The following GALNS variants were observed in gnomAD, a reference collection of about 807,000 sequenced individuals.
The protein encoded by GALNS is N-acetylgalactosamine-6-sulfatase.
Under a neutral mutation model 65.9 loss-of-function variants are expected in GALNS, and 65 were observed. The observed-to-expected ratio is 0.99, with a 90% CI of 0.81 to 1.21. GALNS has a LOEUF of 1.21. Among genes scored for constraint, GALNS ranks in the 50% most tolerant of loss-of-function variants. The probability of loss-of-function intolerance (pLI) is 0.00; values close to 1 mark genes in which losing one functional copy is unlikely to be tolerated. For synonymous variants in GALNS, 346 were observed against 288.9 expected (o/e 1.20, Z -2.00); for missense variants, 776 against 700.7 (o/e 1.11, Z -1.21).
intron 13 of GALNS, chr16:88,817,345 G>A (rs1267134156): frequency 1.8e-5 from 18 of 985,456 alleles, no homozygotes; most frequent in Non-Finnish European, 2.2e-5. Context: ...GCGTGATGAG[G>A]CCGTTTCTCT....
chr16:88,823,677 C>T (rs1249463256), intron 11 of GALNS, among the ~76,000 whole-genome samples: 6 of 97,810 alleles, frequency 6.1e-5, no homozygotes, highest in Admixed American at 2.0e-4. Flanking sequence ...ATGCCCAGGA[C>T]GGCCCTCGCA....
chr16:88,836,657 A>G (rs1912172941), intron 5 of GALNS, among the ~76,000 whole-genome samples: 2 of 140,642 alleles, frequency 1.4e-5, no homozygotes, highest in Admixed American at 7.0e-5. Flanking sequence ...CTGTCTCAAG[A>G]AAAAAAAAAA....
Position 88,842,726 on chromosome 16 carries a change from G to A in GALNS, c.224C>T (p.Ala75Val). 1 of 1,612,914 alleles carries A rather than the reference G, an allele frequency of 6.2e-7. No individual in the cohort carries two copies. Among genetic ancestry groups the A allele is most frequent in the Non-Finnish European group, 8.5e-7 (1 of 1,179,758 alleles). The change falls in exon 2 of 14, where the codon GCC (alanine) becomes GTC (valine). Residue 75 changes from alanine (A) to valine (V), a missense_variant. By Grantham distance (64) the Ala-to-Val change is moderately conservative. Transcript: ENST00000268695. The stretch of plus-strand genomic sequence containing the variant: ...CTTACATGGCGAGCACAGAGGGTTG[G>A]CAGAATAGAAGTTTGGGAAAAGCAG... ...EGLLFPNFYS[A>V]NPLCSPSRAA...
intron 10 of GALNS, among the ~76,000 whole-genome samples, chr16:88,825,918 G>C (rs909291335): frequency 9.2e-5 from 14 of 152,198 alleles, no homozygotes; most frequent in African/African-American, 2.7e-4. Flanking sequence ...TTCCCGTTGA[G>C]CCTTTGGAAT....
chr16:88,856,404 A>G (rs1334343356), intron 1 of GALNS: 1 of 701,168 alleles, frequency 1.4e-6, no homozygotes, highest in Admixed American at 2.0e-5. Flanking sequence ...GAGGGCGGGA[A>G]AGGTCAGACG....
chr16:88,841,300 ACCAGAGGG>A (rs1966960627), intron 3 of GALNS, among the ~76,000 whole-genome samples: 1 of 152,020 alleles, frequency 6.6e-6, no homozygotes, highest in Non-Finnish European at 1.5e-5. Context: ...CAGTGCCATC[ACCAGAGGG>A]TGGGGACGGG....
rs1031038108 is a variant in GALNS at position 88,833,837 on chromosome 16, G to A, written c.898+1376C>T. 3.9e-5 allele frequency among the ~76,000 whole-genome samples: 6 copies of A among 152,322 alleles called. No homozygotes were observed. In the South Asian group the frequency reaches 1.2e-3, roughly 32 times the overall value. On this transcript the variant is annotated intron_variant, in intron 8 of 13. Transcript: ENST00000268695. ...GTGGGTTCTCATCTTGTTACAAATA[G>A]GTACATATACCATTTGTTGGTATGA... is the stretch of plus-strand genomic sequence containing the variant.
chr16:88,828,452 G>C (rs939787645), intron 9 of GALNS, among the ~76,000 whole-genome samples: 2 of 152,226 alleles, frequency 1.3e-5, no homozygotes, highest in African/African-American at 4.8e-5. Context: ...CAGAATCCAG[G>C]GCTGCAGGGA....
Position 88,814,258 on chromosome 16 carries a change from G to A in GALNS, c.*181C>T. Reference sequence around the variant, plus strand: ...TGAGGCGCCGTGGGCGAGGAGGAGGGCCAAGCACACGCCAGGGTCAGGTCC... The same window carrying A: ...TGAGGCGCCGTGGGCGAGGAGGAGGACCAAGCACACGCCAGGGTCAGGTCC... On this transcript the variant is annotated 3_prime_UTR_variant, in exon 14 of 14. Coordinates refer to ENST00000268695, the MANE Select transcript of GALNS (RefSeq NM_000512.5). 4 of 828,202 alleles carry A rather than the reference G, an allele frequency of 4.8e-6. No individual in the cohort carries two copies. Among genetic ancestry groups the A allele is most frequent in the East Asian group, 2.7e-5 (1 of 37,322 alleles). 51.3% of individuals were successfully genotyped at this position (828,202 alleles called of 1,614,324 possible).
Position 88,856,773 on chromosome 16 carries a change from G to A in GALNS, c.105C>T (p.Leu35=). Residue 35 remains leucine (L), a synonymous_variant, in exon 1 of 14, where the codon CTC becomes CTT. Coordinates refer to ENST00000268695, the MANE Select transcript of GALNS (RefSeq NM_000512.5). Reference sequence around the variant, plus strand: ...CCGCACTCACGTCGTCCATGAGCAGGAGCAGGATGTTGGGGGGCTGCGGGG... The same window carrying A: ...CCGCACTCACGTCGTCCATGAGCAGAAGCAGGATGTTGGGGGGCTGCGGGG... The part of the protein sequence containing the change: ...SGAPQPPNIL[L]LLMDDMGWGD... 3 of 1,544,236 alleles carry A rather than the reference G, an allele frequency of 1.9e-6. No individual in the cohort carries two copies. Among genetic ancestry groups the A allele is most frequent in the Non-Finnish European group, 2.6e-6 (3 of 1,154,416 alleles).
At chr16:88,830,020 C>G (rs1597554646) in intron 9 of GALNS, among the ~76,000 whole-genome samples, 1 of 152,054 alleles carries the variant, frequency 6.6e-6, no homozygotes, top group African/African-American at 2.4e-5. Context: ...ATCACGAGGT[C>G]AGGAGATTGA....
intron 11 of GALNS, among the ~76,000 whole-genome samples, chr16:88,824,499 G>C (rs537207087): frequency 6.6e-6 from 1 of 152,274 alleles, no homozygotes; most frequent in East Asian, 1.9e-4. Context: ...GGGGCCACCT[G>C]ACCAGGGTCT....
chr16:88,822,336 G>C (rs1211003369), intron 12 of GALNS, among the ~76,000 whole-genome samples: 1 of 152,196 alleles, frequency 6.6e-6, no homozygotes, highest in Non-Finnish European at 1.5e-5. Context: ...TCAGAGTAGG[G>C]GATACATCAC....
Position 88,841,704 on chromosome 16 carries a change from C to A in GALNS, c.319+193G>T, listed in dbSNP as rs148757772. On this transcript the variant is annotated intron_variant, in intron 3 of 13. Coordinates refer to ENST00000268695, the MANE Select transcript of GALNS (RefSeq NM_000512.5). ...CCAGACTGGGCACCCTCCGCTCAGT[C>A]CCCACTGGGCCAGGGCAGGGAAGGA... Among the ~76,000 whole-genome samples, 223 of 152,308 alleles carry A rather than the reference C, an allele frequency of 1.5e-3. 3 individuals carry two copies. The South Asian group carries it at 0.023, about 16-fold the overall frequency.
At chr16:88,856,564 C>G (rs903582896) in intron 1 of GALNS, 194 bp downstream of exon 1, 1 of 641,542 alleles carries the variant, frequency 1.6e-6, no homozygotes, top group Non-Finnish European at 2.8e-6. Flanking sequence ...GGGGCCTCCC[C>G]CTCCCCGCAC....
chr16:88,824,970 C>G, intron 10 of GALNS, 101 bp from the exon 11 acceptor site: 1 of 882,978 alleles, frequency 1.1e-6, no homozygotes, highest in Non-Finnish European at 1.9e-6. Context: ...CATGCCTCCA[C>G]GTGAGGTCTT....
At chr16:88,848,162 C>A (rs929753733) in intron 1 of GALNS, among the ~76,000 whole-genome samples, 10 of 152,282 alleles carry the variant, frequency 6.6e-5, no homozygotes, top group Non-Finnish European at 1.2e-4. Flanking sequence ...GAAAGGGGAG[C>A]GGGTCGGCCA....
intron 1 of GALNS, among the ~76,000 whole-genome samples, chr16:88,848,422 A>T (rs1255670665): frequency 1.3e-5 from 2 of 152,184 alleles, no homozygotes; most frequent in Non-Finnish European, 2.9e-5. Flanking sequence ...CGAGGTGGTC[A>T]GGAGATCGAG....
Position 88,818,072 on chromosome 16 carries a change from G to C in GALNS, c.1417C>G (p.Gln473Glu), listed in dbSNP as rs118204439. 6.4e-7 allele frequency: 1 copy of C among 1,574,326 alleles called. No individual in the cohort carries two copies. Among genetic ancestry groups the C allele is most frequent in the Non-Finnish European group, 8.6e-7 (1 of 1,165,846 alleles). ...EALSRITSVV[Q>E]QHQEALVPAQ... ...GGGACCAAGGCCTCCTGGTGCTGCT[G>C]GACGACCGAGGTGATCCTGCTGAGG... Residue 473 changes from glutamine to glutamate, a missense_variant, in exon 13 of 14, where the codon CAG becomes GAG. Coordinates refer to ENST00000268695, the MANE Select transcript of GALNS (RefSeq NM_000512.5).
Sources: gnomAD v4.1 joint callset for allele counts (sites outside exome capture counted in the v4.1 genomes callset) on GRCh38, gnomAD v4.1.1 for gene constraint, MANE v1.5 for transcripts, NCBI Gene and HGNC (gene_info 2026-07-23, HGNC 2026-07-21) for gene names.